CNTNAP2: variants seen among roughly 807,000 people sequenced by gnomAD.
The protein encoded by CNTNAP2 is contactin associated protein 2, also known as contactin-associated protein-like 2.
In CNTNAP2, 98 loss-of-function variants were observed where a neutral mutation model predicts 155.2. The observed-to-expected ratio is 0.63, with a 90% CI of 0.54 to 0.75. The LOEUF (loss-of-function observed/expected upper bound fraction) is 0.75, where lower values mean the gene tolerates loss of function less well. Ranked by LOEUF, CNTNAP2 falls within the 30% of genes least tolerant of loss-of-function variation. The pLI is 0.00. For synonymous variants in CNTNAP2, 651 were observed against 631.2 expected (o/e 1.03, Z -0.47); for missense variants, 1,727 against 1,688.1 (o/e 1.02, Z -0.40).
At chr7:146,604,385 C>T (rs1271104018) in intron 1 of CNTNAP2, among the ~76,000 whole-genome samples, 13 of 138,278 alleles carry the variant, frequency 9.4e-5, no homozygotes, top group Non-Finnish European at 1.5e-4. Flanking sequence ...TACCATCTCA[C>T]AGCAGTTAGA....
chr7:146,281,754 C>G (rs186821053), intron 1 of CNTNAP2, among the ~76,000 whole-genome samples: 2 of 151,306 alleles, frequency 1.3e-5, no homozygotes, highest in East Asian at 3.9e-4. Context: ...AAGATCTCAC[C>G]GTTGCACTCC....
In CNTNAP2 at chr7:148,161,451, G is replaced by A. The variant is rs752380420; in HGVS notation, c.2774-10791G>A. Among the ~76,000 whole-genome samples the A allele has an allele frequency of 2.2e-4, 33 of 152,146 alleles. 1 individual carries two copies. The highest frequency in any genetic ancestry group is 3.4e-3 in the Middle Eastern group (1 of 294). On this transcript the variant is annotated intron_variant, in intron 17 of 23. Transcript: ENST00000361727. ...CATTGAGCTCCTCCTGGAAAGTTGA[G>A]GGGGCAAAGAAAAACTCCTGCCTCA...
intron 3 of CNTNAP2, among the ~76,000 whole-genome samples, chr7:146,904,064 C>G (rs761700598): frequency 3.3e-5 from 5 of 151,930 alleles, no homozygotes; most frequent in Non-Finnish European, 7.4e-5. Flanking sequence ...CACTCACAAC[C>G]CTTCATTGCT....
intron 22 of CNTNAP2, among the ~76,000 whole-genome samples, chr7:148,387,873 T>C (rs183666337): frequency 1.1e-4 from 17 of 152,072 alleles, no homozygotes; most frequent in Non-Finnish European, 1.9e-4. Context: ...TACTGAAAAC[T>C]GGTTGCAGTA....
chr7:146,487,685 G>A (rs986683020), intron 1 of CNTNAP2, among the ~76,000 whole-genome samples: 1 of 152,164 alleles, frequency 6.6e-6, no homozygotes, highest in Non-Finnish European at 1.5e-5. Context: ...ATAAAGTCTG[G>A]GGAAGAGAGG....
rs568770695 is a variant in CNTNAP2, at chr7:146,752,751, G to T, written c.98-21520G>T. Among the ~76,000 whole-genome samples the T allele has an allele frequency of 7.1e-4, 108 of 152,224 alleles. 1 individual carries two copies. The highest frequency in any genetic ancestry group is 1.9e-4 in the Non-Finnish European group (13 of 68,012). On this transcript the variant is annotated intron_variant, in intron 1 of 23. Coordinates refer to ENST00000361727, the MANE Select transcript of CNTNAP2 (RefSeq NM_014141.6). ...TTCTTCCAGAGTTTTTATAGTTTGGGGTTTTACATGAAAGTCTTTAATCCA... is the reference window on the plus strand; with the variant it reads ...TTCTTCCAGAGTTTTTATAGTTTGGTGTTTTACATGAAAGTCTTTAATCCA...
chr7:147,839,922 GTGTATA>G (rs1420911525), intron 13 of CNTNAP2, among the ~76,000 whole-genome samples: 3 of 137,124 alleles, frequency 2.2e-5, no homozygotes, highest in Admixed American at 1.5e-4. Flanking sequence ...TGTGTGTGCT[GTGTATA>G]TATATATGTA....
intron 9 of CNTNAP2, among the ~76,000 whole-genome samples, chr7:147,313,694 CGTGATGCCTCCAGCTTT>C (rs1563156477): frequency 6.6e-6 from 1 of 152,078 alleles, no homozygotes; most frequent in Non-Finnish European, 1.5e-5. Flanking sequence ...AGTCAGGTAG[CGTGATGCCTCCAGCTTT>C]GTTCTTTTGG....
intron 14 of CNTNAP2, among the ~76,000 whole-genome samples, chr7:147,908,839 G>A (rs1800012053): frequency 6.6e-6 from 1 of 152,192 alleles, no homozygotes; most frequent in South Asian, 2.1e-4. Flanking sequence ...ATTGGATTAA[G>A]ATGAACTAAG....
chr7:146,967,327 T>G (rs994150925), intron 3 of CNTNAP2, among the ~76,000 whole-genome samples: 2 of 152,220 alleles, frequency 1.3e-5, no homozygotes, highest in Non-Finnish European at 2.9e-5. Flanking sequence ...AAATAAAAGT[T>G]AATACTAATC....
In CNTNAP2 at chr7:147,957,113, A is replaced by G. The variant is rs143451939; in HGVS notation, c.2256-20749A>G. ...AAAGGTGTTTGAGGTTTGAAGAGAC[A>G]GGGGAAAAAGTCTGTTAAGAGAAAA... On this transcript the variant is annotated intron_variant, in intron 14 of 23. Coordinates refer to ENST00000361727, the MANE Select transcript of CNTNAP2 (RefSeq NM_014141.6). 2.7e-3 allele frequency among the ~76,000 whole-genome samples: 414 copies of G among 152,346 alleles called. 3 individuals carry two copies. Among genetic ancestry groups the G allele is most frequent in the African/African-American group, 9.2e-3 (382 of 41,590 alleles).
intron 9 of CNTNAP2, among the ~76,000 whole-genome samples, chr7:147,329,715 T>C (rs1262405293): frequency 6.7e-6 from 1 of 149,866 alleles, no homozygotes; most frequent in African/African-American, 2.4e-5. Flanking sequence ...TGGTTCTTAC[T>C]TAGTATATCT....
chr7:146,849,802 G>A (rs570258777), intron 3 of CNTNAP2, among the ~76,000 whole-genome samples: 1 of 152,170 alleles, frequency 6.6e-6, no homozygotes, highest in South Asian at 2.1e-4. Flanking sequence ...TATATTCAAA[G>A]TGATATAAAG....
intron 1 of CNTNAP2, among the ~76,000 whole-genome samples, chr7:146,221,987 G>C (rs1799214934): frequency 6.6e-6 from 1 of 152,162 alleles, no homozygotes; most frequent in South Asian, 2.1e-4. Flanking sequence ...AAGTGTTTGT[G>C]AAAGGAAGGA....
At chr7:148,118,452 T>A (rs1253907336) in intron 16 of CNTNAP2, among the ~76,000 whole-genome samples, 164 bp downstream of exon 16, 1 of 152,126 alleles carries the variant, frequency 6.6e-6, no homozygotes, top group Non-Finnish European at 1.5e-5. Flanking sequence ...GGCTCCAACC[T>A]CAGTCCCTGT....
intron 8 of CNTNAP2, among the ~76,000 whole-genome samples, chr7:147,228,032 A>G (rs1803587304): frequency 6.6e-6 from 1 of 152,170 alleles, no homozygotes; most frequent in African/African-American, 2.4e-5. Flanking sequence ...GGATTGGTGT[A>G]AAGGCCTGCA....
intron 5 of CNTNAP2, among the ~76,000 whole-genome samples, chr7:147,112,034 G>T (rs930496550): frequency 2.0e-5 from 3 of 152,060 alleles, no homozygotes; most frequent in African/African-American, 7.2e-5. Flanking sequence ...ATTTATTTGT[G>T]TCATCTCTGA....
chr7:147,597,219 C>A (rs1157839904), intron 12 of CNTNAP2, among the ~76,000 whole-genome samples: 1 of 152,152 alleles, frequency 6.6e-6, no homozygotes, highest in East Asian at 1.9e-4. Context: ...ATCCAAGAAT[C>A]CTCTCTTGGG....
At chr7:147,464,028 C>G (rs1027303998) in intron 10 of CNTNAP2, among the ~76,000 whole-genome samples, 4 of 149,506 alleles carry the variant, frequency 2.7e-5, no homozygotes, top group Admixed American at 6.7e-5. Context: ...AAAAGACATC[C>G]CAATTGTTTA....
Sources: gnomAD v4.1 joint callset for allele counts (sites outside exome capture counted in the v4.1 genomes callset) on GRCh38, gnomAD v4.1.1 for gene constraint, MANE v1.5 for transcripts, NCBI Gene and HGNC (gene_info 2026-07-23, HGNC 2026-07-21) for gene names.